The following BRAP variants were observed in gnomAD, a reference collection of about 807,000 sequenced individuals.
BRAP encodes BRCA1-associated protein.
A neutral mutation model predicts 73.4 loss-of-function variants in BRAP; 42 were observed. That is an observed-to-expected ratio of 0.57 (90% CI 0.45 to 0.74). BRAP has a LOEUF of 0.74. Among genes scored for constraint, BRAP ranks in the 30% least tolerant of loss-of-function variants. The pLI is 0.00. For synonymous variants in BRAP, 255 were observed against 267.4 expected (o/e 0.95, Z 0.45); for missense variants, 593 against 751.4 (o/e 0.79, Z 2.46).
At chr12:111,662,079 TTTACAAAA>T (rs1340443196) in intron 6 of BRAP, among the ~76,000 whole-genome samples, 43 of 152,170 alleles carry the variant, frequency 2.8e-4, no homozygotes, top group Non-Finnish European at 5.4e-4. Context: ...CATGTCTCAA[TTTACAAAA>T]AGCCAATAAA....
intron 5 of BRAP, among the ~76,000 whole-genome samples, chr12:111,667,825 C>A (rs1377634162): frequency 6.6e-6 from 1 of 151,142 alleles, no homozygotes; most frequent in Non-Finnish European, 1.5e-5. Context: ...GATGCATTTT[C>A]TTTCCTTCTA....
chr12:111,658,646 A>G, intron 9 of BRAP, 90 bp downstream of exon 9: 1 of 1,081,142 alleles, frequency 9.2e-7, no homozygotes, highest in Non-Finnish European at 1.3e-6. Context: ...TAAAAAAAAA[A>G]TGTACATCCA....
chr12:111,678,397 G>A (rs912039126), intron 4 of BRAP, among the ~76,000 whole-genome samples: 12 of 151,986 alleles, frequency 7.9e-5, no homozygotes, highest in African/African-American at 2.9e-4. Flanking sequence ...GATGGCTCAC[G>A]CCTGTAATCC....
rs112374293 is a variant in BRAP at position 111,674,796 on chromosome 12, C to T, written c.634-2022G>A. Among the ~76,000 whole-genome samples the T allele has an allele frequency of 2.7e-4, 41 of 152,248 alleles. No individual in the cohort carries two copies. The East Asian group carries it at 4.4e-3, about 16-fold the overall frequency. On this transcript the variant is annotated intron_variant, in intron 4 of 11. Coordinates refer to ENST00000419234, the MANE Select transcript of BRAP (RefSeq NM_006768.5). ...GGCTTCCCCCATTCTTCAGGAGCAA[C>T]GGTTTCTTGAAATGCTTTTGGCTAA...
chr12:111,682,497 CAAAAAAAAAAAAAAA>C (rs11366915), intron 2 of BRAP, among the ~76,000 whole-genome samples: 1 of 77,906 alleles, frequency 1.3e-5, no homozygotes, highest in African/African-American at 5.2e-5. Context: ...GAGACTGTCT[CAAAAAAAAAAAAAAA>C]AAAAAAGAAA....
In BRAP at chr12:111,681,819, T is replaced by A. The variant is rs1354850366; in HGVS notation, c.261A>T (p.Thr87=). The change falls in exon 3 of 12, where the codon ACA becomes ACT. Residue 87 remains threonine, a synonymous_variant. Coordinates refer to ENST00000419234, the MANE Select transcript of BRAP (RefSeq NM_006768.5). ...CTTCTGAAGACTTCCTTTCTTCCAC[T>A]GTAGTTTTTAGTTCATCTTTCACCA... ...MKSNPDELKT[T]VEERKSSEAS... The A allele has an allele frequency of 1.2e-6, 2 of 1,610,492 alleles. No individual in the cohort carries two copies. Among genetic ancestry groups the A allele is most frequent in the Middle Eastern group, 1.7e-4 (1 of 6,048 alleles).
intron 4 of BRAP, among the ~76,000 whole-genome samples, chr12:111,673,964 A>G (rs911183200): frequency 1.3e-5 from 2 of 152,308 alleles, no homozygotes; most frequent in Admixed American, 1.3e-4. Flanking sequence ...GGGGAGGCCA[A>G]GGCTTGTCTG....
intron 7 of BRAP, 48 bp from the exon 8 acceptor site, chr12:111,659,393 C>T: frequency 6.4e-7 from 1 of 1,571,852 alleles, no homozygotes; most frequent in Non-Finnish European, 8.7e-7. Flanking sequence ...AATAAATGAT[C>T]TGGCTGGGCG....
At chr12:111,670,793 G>T (rs1484396941) in intron 5 of BRAP, among the ~76,000 whole-genome samples, 2 of 151,910 alleles carry the variant, frequency 1.3e-5, no homozygotes, top group Admixed American at 1.3e-4. Context: ...TCTGGCCCAG[G>T]TCTAATTTAA....
In BRAP at chr12:111,645,967, G is replaced by A. The variant is rs147609682; in HGVS notation, c.1416-1405C>T. ...TTCATGCTACTGCACTCCAGCCTGA[G>A]TGACAGAACGAGATCTTGTCTCAAA... On this transcript the variant is annotated intron_variant, in intron 11 of 11. Transcript: ENST00000419234. Among the ~76,000 whole-genome samples the A allele has an allele frequency of 5.3e-3, 805 of 151,712 alleles. 10 individuals carry two copies. Among genetic ancestry groups the A allele is most frequent in the South Asian group, 0.028 (136 of 4,782 alleles).
chr12:111,656,007 C>T (rs1179679611), intron 9 of BRAP, among the ~76,000 whole-genome samples: 2 of 152,166 alleles, frequency 1.3e-5, no homozygotes, highest in Non-Finnish European at 2.9e-5. Flanking sequence ...CCCATCCTGT[C>T]CCAACCAGCA....
intron 10 of BRAP, among the ~76,000 whole-genome samples, chr12:111,654,148 A>G (rs986190289): frequency 6.6e-6 from 1 of 152,186 alleles, no homozygotes; most frequent in African/African-American, 2.4e-5. Flanking sequence ...CTCTGCTCCA[A>G]CGAGAGCATT....
rs918804119 is a variant in BRAP at position 111,643,816 on chromosome 12, C to T, written c.*383G>A. 8 of 195,780 alleles carry T rather than the reference C, an allele frequency of 4.1e-5. No individual in the cohort carries two copies. The highest frequency in any genetic ancestry group is 1.9e-4 in the African/African-American group (8 of 42,702). 12.1% of individuals were successfully genotyped at this position (195,780 alleles called of 1,614,324 possible). ...GGTTTGGTGCTTTAGTGCTAGATAA[C>T]CTTACCTTTGAGGTTACAAGAAATA... On this transcript the variant is annotated 3_prime_UTR_variant, in exon 12 of 12. Transcript: ENST00000419234.
At chr12:111,646,531 T>A (rs1592964766) in intron 11 of BRAP, among the ~76,000 whole-genome samples, 1 of 152,050 alleles carries the variant, frequency 6.6e-6, no homozygotes, top group South Asian at 2.1e-4. Flanking sequence ...TCCCAGCACT[T>A]TGGGAGGCCG....
chr12:111,644,557 G>C lies in BRAP; in HGVS notation c.1421C>G (p.Thr474Ser). The C allele has an allele frequency of 6.2e-7, 1 of 1,609,150 alleles. No homozygotes were observed. Among genetic ancestry groups the C allele is most frequent in the Non-Finnish European group, 8.5e-7 (1 of 1,176,172 alleles). Residue 474 changes from threonine (T) to serine (S), a missense_variant, in exon 12 of 12, where the codon ACT becomes AGT. Transcript: ENST00000419234. ...KEKQSVERKCTQLNTKVAKLT... is the reference protein window; with the variant it reads ...KEKQSVERKCSQLNTKVAKLT... ...TTTGGCCACTTTTGTGTTTAGCTGA[G>C]TGCACCTTTTGAAAAACAAAGGAAG... is the stretch of plus-strand genomic sequence containing the variant.
intron 5 of BRAP, among the ~76,000 whole-genome samples, chr12:111,667,114 C>A (rs1886974411): frequency 6.6e-6 from 1 of 152,100 alleles, no homozygotes; most frequent in East Asian, 1.9e-4. Context: ...AAGTTAAATT[C>A]ATGTATTTTG....
intron 6 of BRAP, among the ~76,000 whole-genome samples, chr12:111,663,293 A>G: frequency 6.6e-6 from 1 of 151,892 alleles, no homozygotes; most frequent in East Asian, 1.9e-4. Context: ...ATCTCTACTA[A>G]AAATATAAAA....
At chr12:111,660,910 A>T (rs957697405) in intron 6 of BRAP, among the ~76,000 whole-genome samples, 2 of 152,188 alleles carry the variant, frequency 1.3e-5, no homozygotes, top group African/African-American at 4.8e-5. Context: ...TTATGTCTAA[A>T]GCTTAGATGA....
At chr12:111,648,405 A>G (rs1279647546) in intron 11 of BRAP, among the ~76,000 whole-genome samples, 3 of 139,196 alleles carry the variant, frequency 2.2e-5, no homozygotes, top group African/African-American at 5.4e-5. Context: ...TGAGGTCAAG[A>G]GATCGAGACC....
Sources: gnomAD v4.1 joint callset for allele counts (sites outside exome capture counted in the v4.1 genomes callset) on GRCh38, gnomAD v4.1.1 for gene constraint, MANE v1.5 for transcripts, NCBI Gene and HGNC (gene_info 2026-07-23, HGNC 2026-07-21) for gene names.